Variants in IRAK3 observed in about 807,000 individuals in gnomAD.
IRAK3 encodes the protein interleukin-1 receptor-associated kinase 3.
A neutral mutation model predicts 56.6 loss-of-function variants in IRAK3; 57 were observed. The observed-to-expected ratio is 1.01, with a 90% confidence interval of 0.81 to 1.26. The LOEUF (loss-of-function observed/expected upper bound fraction) is 1.26. Ranked by LOEUF, IRAK3 falls within the 50% of genes most tolerant of loss-of-function variation. IRAK3 has a pLI of 0.00. For missense variants in IRAK3, 703 were observed against 719.0 expected (o/e 0.98, Z 0.25); for synonymous variants, 258 against 255.7 (o/e 1.01, Z -0.09).
At position 66,219,044 on chromosome 12, in the gene IRAK3, G is replaced by GTATGTA. The variant is rs1156739716; in HGVS notation, c.653+1810_653+1811insATGTAT. ...GAATAATATTCCATCGTGTGTGTGT[G>GTATGTA]TGTGTATGTGTGTGTGTGTGTGTGT... is the stretch of plus-strand genomic sequence containing the variant. On this transcript the variant is annotated intron_variant, in intron 6 of 11. Coordinates refer to ENST00000261233, the MANE Select transcript of IRAK3 (RefSeq NM_007199.3). 2.8e-3 allele frequency among the ~76,000 whole-genome samples: 416 copies of GTATGTA among 147,620 alleles called. 2 individuals carry two copies. The highest frequency in any genetic ancestry group is 0.011 in the African/African-American group (403 of 38,312).
In IRAK3 at chr12:66,211,608, A is replaced by C; in HGVS notation, c.588+11A>C. On this transcript the variant is annotated intron_variant, in intron 5 of 11. Transcript: ENST00000261233. ...AAATTATTTAAACAGGTATGGAAAG[A>C]ATTACTGTCACAGGACATCAGTTCC... 6.2e-7 allele frequency: 1 copy of C among 1,600,810 alleles called. No homozygotes were observed. The highest frequency in any genetic ancestry group is 8.6e-7 in the Non-Finnish European group (1 of 1,168,254).
rs953259351 is a variant in IRAK3 at position 66,197,130 on chromosome 12, G to A, written c.134-6581G>A. ...TTCTTAGGTTGACTTTTTGGCTTAT[G>A]TGACTCCAATACGACTTTCAACAAA... On this transcript the variant is annotated intron_variant, in intron 1 of 11. Coordinates refer to ENST00000261233, the MANE Select transcript of IRAK3 (RefSeq NM_007199.3). 12 of 1,294,640 alleles carry A rather than the reference G, an allele frequency of 9.3e-6. No individual in the cohort carries two copies. In the South Asian group the frequency reaches 3.1e-4, roughly 33 times the overall value. The allele number at this position is 1,294,640 out of a possible 1,614,324, so 80.2% of individuals were successfully genotyped here.
chr12:66,214,929 G>A (rs1212456961), intron 5 of IRAK3, among the ~76,000 whole-genome samples: 1 of 152,168 alleles, frequency 6.6e-6, no homozygotes, highest in East Asian at 1.9e-4. Context: ...TGTTGGATAG[G>A]AGTGGGGAAG....
intron 6 of IRAK3, among the ~76,000 whole-genome samples, chr12:66,225,373 G>C (rs1160820956): frequency 6.6e-6 from 1 of 151,644 alleles, no homozygotes; most frequent in Non-Finnish European, 1.5e-5. Flanking sequence ...TGTGTATTGT[G>C]TGTGTGTGTA....
intron 2 of IRAK3, 49 bp downstream of exon 2, chr12:66,203,942 T>C: frequency 6.8e-7 from 1 of 1,474,042 alleles, no homozygotes; most frequent in East Asian, 2.3e-5. Context: ...ATAGGAACTG[T>C]AATTTGTAAA....
In IRAK3 at chr12:66,250,714, A is replaced by T. The variant is rs185686651; in HGVS notation, c.*2543A>T. On this transcript the variant is annotated 3_prime_UTR_variant, in exon 12 of 12. Transcript: ENST00000261233. ...CCAGGCCCATGCAGTTACTCCGCAC[A>T]TATAATCTGTGGGTATTATGTTGAT... 6.6e-5 allele frequency: 10 copies of T among 152,388 alleles called. No individual in the cohort carries two copies. The East Asian group carries it at 1.7e-3, about 26-fold the overall frequency. 9.4% of individuals were successfully genotyped at this position (152,388 alleles called of 1,614,324 possible). A position where few individuals can be genotyped will look rare whatever the true frequency, so the allele number is the denominator to read the frequency against.
intron 1 of IRAK3, chr12:66,196,897 T>C: frequency 2.0e-6 from 3 of 1,523,860 alleles, no homozygotes; most frequent in Non-Finnish European, 2.6e-6. Context: ...AAACAAGCTT[T>C]GTGAGAATGG....
chr12:66,196,900 G>C (rs1160352113), intron 1 of IRAK3: 2 of 1,523,902 alleles, frequency 1.3e-6, no homozygotes, highest in African/African-American at 2.8e-5. Context: ...CAAGCTTTGT[G>C]AGAATGGAGT....
chr12:66,221,768 G>A, intron 6 of IRAK3, among the ~76,000 whole-genome samples: 1 of 152,154 alleles, frequency 6.6e-6, no homozygotes, highest in Admixed American at 6.5e-5. Context: ...AGGGGCACAT[G>A]CCTGTAATCC....
Position 66,221,419 on chromosome 12 carries a change from G to A in IRAK3, c.653+4184G>A, listed in dbSNP as rs1341237471. On this transcript the variant is annotated intron_variant, in intron 6 of 11. Transcript: ENST00000261233. ...ATCTTGAATAGAAATGGAAAGGGTG[G>A]GCACACTTATCTTTTTCCTGAACTT... 2.6e-5 allele frequency among the ~76,000 whole-genome samples: 4 copies of A among 152,162 alleles called. No individual in the cohort carries two copies. In the East Asian group the frequency reaches 7.7e-4, roughly 29 times the overall value.
chr12:66,232,388 T>G (rs1170369524), intron 8 of IRAK3, among the ~76,000 whole-genome samples: 1 of 152,190 alleles, frequency 6.6e-6, no homozygotes, highest in Non-Finnish European at 1.5e-5. Context: ...GCCATTGAAC[T>G]TTTGGCCTTT....
intron 8 of IRAK3, among the ~76,000 whole-genome samples, chr12:66,243,211 C>T (rs928772265): frequency 2.0e-5 from 3 of 152,198 alleles, no homozygotes; most frequent in African/African-American, 7.2e-5. Context: ...AAGTAGGACT[C>T]TGAGTCCTCT....
At chr12:66,229,772 A>G (rs1275968745) in intron 8 of IRAK3, among the ~76,000 whole-genome samples, 17 of 152,160 alleles carry the variant, frequency 1.1e-4, no homozygotes, top group Admixed American at 1.1e-3. Context: ...ACCTAAAACA[A>G]TCCCTCCTCC....
At chr12:66,207,814 G>A (rs1209235351) in intron 2 of IRAK3, among the ~76,000 whole-genome samples, 1 of 151,942 alleles carries the variant, frequency 6.6e-6, no homozygotes, top group African/African-American at 2.4e-5. Flanking sequence ...TTAATTTCCA[G>A]ATACTTGTGA....
At chr12:66,194,522 C>A (rs1354313951) in intron 1 of IRAK3, among the ~76,000 whole-genome samples, 1 of 152,118 alleles carries the variant, frequency 6.6e-6, no homozygotes, top group East Asian at 1.9e-4. Flanking sequence ...AGTGCTTTCT[C>A]CGCTCTAGAA....
chr12:66,201,272 G>A (rs1032632088), intron 1 of IRAK3, among the ~76,000 whole-genome samples: 4 of 152,176 alleles, frequency 2.6e-5, no homozygotes, highest in African/African-American at 7.2e-5. Flanking sequence ...GGTTCCTGCT[G>A]GAGGGCAGCT....
rs754211864 is a variant in IRAK3, at chr12:66,210,156, A to G, written c.391A>G (p.Asn131Asp). ...FPNILFKETA[N>D]VTVDNVLIPE... ...ATATTTCTTCTCTTAGGAAACAGCC[A>G]ATGTCACCGTGGATAATGTTCTTAT... Residue 131 changes from asparagine to aspartate, a missense_variant, in exon 4 of 12, where the codon AAT (asparagine) becomes GAT (aspartate). Transcript: ENST00000261233. 2 of 1,596,404 alleles carry G rather than the reference A, an allele frequency of 1.3e-6. No homozygotes were observed. Among genetic ancestry groups the G allele is most frequent in the East Asian group, 2.2e-5 (1 of 44,732 alleles).
chr12:66,240,276 T>A (rs1048893767), intron 8 of IRAK3, among the ~76,000 whole-genome samples: 13 of 152,012 alleles, frequency 8.6e-5, no homozygotes, highest in Non-Finnish European at 4.4e-5. Context: ...TAGTTGTGGG[T>A]AGATTTGGAG....
At chr12:66,217,651 T>G (rs1413419451) in intron 6 of IRAK3, among the ~76,000 whole-genome samples, 3 of 152,172 alleles carry the variant, frequency 2.0e-5, no homozygotes, top group Non-Finnish European at 4.4e-5. Context: ...GTGCATATTA[T>G]TTTTCTGGAA....
Sources: allele counts gnomAD v4.1 joint callset (sites outside exome capture counted in the v4.1 genomes callset), GRCh38; gene constraint gnomAD v4.1.1; transcripts MANE v1.5; gene names NCBI Gene and HGNC (gene_info 2026-07-23, HGNC 2026-07-21).